The following GLIS3 variants were observed in gnomAD, a reference collection of about 807,000 sequenced individuals.
The protein encoded by GLIS3 is zinc finger protein GLIS3.
In GLIS3, 53 loss-of-function variants were observed where a neutral mutation model predicts 78.6. That is an observed-to-expected ratio of 0.67 (90% CI 0.54 to 0.85). The LOEUF is 0.85. GLIS3 is among the 40% of genes least tolerant of loss of function. The pLI, the probability that GLIS3 is intolerant of heterozygous loss-of-function variation, is 0.00. For synonymous variants in GLIS3, 684 were observed against 509.9 expected, an observed-to-expected ratio of 1.34 and a Z score of -4.60; for missense variants, 1,703 against 1,231.1, an observed-to-expected ratio of 1.38 and a Z score of -5.74.
intron 4 of GLIS3, among the ~76,000 whole-genome samples, chr9:4,014,349 C>T (rs1007969156): frequency 6.6e-6 from 1 of 152,170 alleles, no homozygotes; most frequent in Non-Finnish European, 1.5e-5. Context: ...TTCATGTCTA[C>T]TGGGGACATC....
chr9:4,016,058 C>T (rs1446430088), intron 4 of GLIS3, among the ~76,000 whole-genome samples: 1 of 152,096 alleles, frequency 6.6e-6, no homozygotes, highest in Non-Finnish European at 1.5e-5. Flanking sequence ...GCGTATAGTA[C>T]TATTACAACT....
At chr9:4,477,001 C>G in the GLIS3 span, among the ~76,000 whole-genome samples, 2 of 152,022 alleles carry the variant, frequency 1.3e-5, no homozygotes, top group African/African-American at 2.4e-5. Flanking sequence ...GAAAACAGTA[C>G]GGCAGTTCCT....
chr9:4,160,550 G>C (rs2131080394), intron 2 of GLIS3, among the ~76,000 whole-genome samples: 1 of 152,318 alleles, frequency 6.6e-6, no homozygotes, highest in Non-Finnish European at 1.5e-5. Flanking sequence ...GAATTCACGA[G>C]CTGTCTTCAC....
In GLIS3 at chr9:4,010,477, G is replaced by A. The variant is rs524823; in HGVS notation, c.1711-73288C>T. 3.2e-3 allele frequency among the ~76,000 whole-genome samples: 485 copies of A among 152,258 alleles called. 4 individuals are homozygous for A. The highest frequency in any genetic ancestry group is 0.012 in the African/African-American group (478 of 41,544). On this transcript the variant is annotated intron_variant, in intron 4 of 10. Coordinates refer to ENST00000381971, the MANE Select transcript of GLIS3 (RefSeq NM_001042413.2). ...CCAAGTCCCTTACTGCAGGGCTCCA[G>A]GTTATGGTCTACCACTGAGAGGCAT... is the stretch of plus-strand genomic sequence containing the variant.
At chr9:4,443,984 C>G in the GLIS3 span, among the ~76,000 whole-genome samples, 3 of 152,262 alleles carry the variant, frequency 2.0e-5, no homozygotes, top group South Asian at 2.1e-4. Context: ...ACAATACAGT[C>G]AAAGTCTCAG....
chr9:3,833,007 G>C (rs1818135615), intron 9 of GLIS3, among the ~76,000 whole-genome samples: 1 of 152,130 alleles, frequency 6.6e-6, no homozygotes, highest in South Asian at 2.1e-4. Context: ...CTATATTCAA[G>C]TGTTGTGATA....
chr9:3,859,501 A>G (rs987071195), intron 8 of GLIS3, among the ~76,000 whole-genome samples: 2 of 152,208 alleles, frequency 1.3e-5, no homozygotes, highest in African/African-American at 4.8e-5. Flanking sequence ...TGCTAAAATA[A>G]ACAAAACATT....
chr9:4,387,551 C>T, the GLIS3 span, among the ~76,000 whole-genome samples: 1 of 152,128 alleles, frequency 6.6e-6, no homozygotes, highest in Non-Finnish European at 1.5e-5. Flanking sequence ...TACAGTGCAG[C>T]AGGGAGACTA....
chr9:4,015,520 A>G (rs1193079741), intron 4 of GLIS3, among the ~76,000 whole-genome samples: 4 of 152,096 alleles, frequency 2.6e-5, no homozygotes, highest in African/African-American at 9.7e-5. Flanking sequence ...AGCTGAGAAC[A>G]CCCTCTCCCA....
chr9:4,233,683 C>T (rs1035577767), intron 2 of GLIS3, among the ~76,000 whole-genome samples: 3 of 152,154 alleles, frequency 2.0e-5, no homozygotes, highest in Non-Finnish European at 4.4e-5. Flanking sequence ...TTAAAGTTAC[C>T]AGCTGCATTA....
chr9:4,071,411 C>G (rs1186858515), intron 4 of GLIS3: 1 of 152,178 alleles, frequency 6.6e-6, no homozygotes, highest in African/African-American at 2.4e-5. Flanking sequence ...TATCAATTAA[C>G]TCTCCTGAAG....
chr9:4,078,904 C>G lies in GLIS3; in HGVS notation c.1710+38864G>C, dbSNP rs571406028. On this transcript the variant is annotated intron_variant, in intron 4 of 10. Transcript: ENST00000381971. ...GCTTTGAAATGCCTCCCCTCTGTCC[C>G]CCGCCCCACCCCACAACATCAGAAA... Among the ~76,000 whole-genome samples the G allele has an allele frequency of 2.0e-5, 3 of 152,264 alleles. No homozygotes were observed. The East Asian group carries it at 5.8e-4, about 29-fold the overall frequency.
chr9:4,276,468 G>A (rs1232549283), intron 2 of GLIS3, among the ~76,000 whole-genome samples: 3 of 10,660 alleles, frequency 2.8e-4, no homozygotes, highest in Non-Finnish European at 5.8e-4. Context: ...GGAGGGAAGG[G>A]GACGGGAGGG....
At position 4,030,300 on chromosome 9, in the gene GLIS3, A is replaced by AT. The variant is rs1190160369; in HGVS notation, c.1710+87467dup. 5.9e-5 allele frequency among the ~76,000 whole-genome samples: 9 copies of AT among 152,092 alleles called. No individual in the cohort carries two copies. The South Asian group carries it at 1.7e-3, about 28-fold the overall frequency. On this transcript the variant is annotated intron_variant, in intron 4 of 10. Coordinates refer to ENST00000381971, the MANE Select transcript of GLIS3 (RefSeq NM_001042413.2). Reference sequence around the variant, plus strand: ...CCCAATTTTTTGACTGGATTATTAGATTTTTTTCCTAGAGTTATTTGAGTT... The same window carrying AT: ...CCCAATTTTTTGACTGGATTATTAGATTTTTTTTCCTAGAGTTATTTGAGTT...
At chr9:3,999,650 T>G (rs998919420) in intron 4 of GLIS3, among the ~76,000 whole-genome samples, 4 of 151,964 alleles carry the variant, frequency 2.6e-5, no homozygotes, top group African/African-American at 9.7e-5. Context: ...GGACAGCATA[T>G]TCAACAGGAA....
intron 2 of GLIS3, among the ~76,000 whole-genome samples, chr9:4,276,106 A>G (rs201436857): frequency 6.6e-6 from 1 of 151,104 alleles, no homozygotes; most frequent in East Asian, 2.0e-4. Context: ...CAACATAGAA[A>G]AACCCCATAT....
chr9:4,320,214 T>C (rs1817503876), intron 2 of GLIS3, among the ~76,000 whole-genome samples: 1 of 152,232 alleles, frequency 6.6e-6, no homozygotes, highest in Admixed American at 6.5e-5. Flanking sequence ...TGAATGTCTC[T>C]GAATGTCTCC....
intron 8 of GLIS3, among the ~76,000 whole-genome samples, chr9:3,868,298 G>T (rs1186062110): frequency 6.6e-6 from 1 of 152,174 alleles, no homozygotes; most frequent in African/African-American, 2.4e-5. Context: ...GGAGACAAGT[G>T]AGACCAAGTT....
chr9:3,946,230 A>G (rs565406922), intron 4 of GLIS3, among the ~76,000 whole-genome samples: 2 of 152,356 alleles, frequency 1.3e-5, no homozygotes, highest in Admixed American at 6.5e-5. Flanking sequence ...TGTGAGCTTT[A>G]TAAGAACAAG....
Sources: allele counts gnomAD v4.1 joint callset (sites outside exome capture counted in the v4.1 genomes callset), GRCh38; gene constraint gnomAD v4.1.1; transcripts MANE v1.5; gene names NCBI Gene and HGNC (gene_info 2026-07-23, HGNC 2026-07-21).